Variants in PTPRD observed in about 807,000 individuals in gnomAD.
The protein encoded by PTPRD is protein tyrosine phosphatase receptor type D, also known as receptor-type tyrosine-protein phosphatase delta.
Under a neutral mutation model 214.5 loss-of-function variants are expected in PTPRD, and 34 were observed. The observed-to-expected ratio is 0.16, with a 90% CI of 0.12 to 0.21. The LOEUF (loss-of-function observed/expected upper bound fraction) is 0.21. Among genes scored for constraint, PTPRD ranks in the 10% least tolerant of loss-of-function variants. The pLI is 1.00. For missense variants in PTPRD, 2,545 were observed against 2,398.7 expected, an observed-to-expected ratio of 1.06 and a Z score of -1.27; for synonymous variants, 1,128 against 845.7, an observed-to-expected ratio of 1.33 and a Z score of -5.79.
At chr9:9,957,116 A>G (rs1266066817) in intron 4 of PTPRD, among the ~76,000 whole-genome samples, 1 of 152,174 alleles carries the variant, frequency 6.6e-6, no homozygotes, top group African/African-American at 2.4e-5. Flanking sequence ...AAGCATGCCC[A>G]CTGTATTCAT....
At chr9:10,238,292 C>G (rs957924491) in intron 3 of PTPRD, among the ~76,000 whole-genome samples, 38 of 151,840 alleles carry the variant, frequency 2.5e-4, no homozygotes, top group Admixed American at 7.9e-4. Flanking sequence ...AATCTAATAG[C>G]TACTGAGACA....
At chr9:8,989,411 C>T (rs926770106) in intron 11 of PTPRD, among the ~76,000 whole-genome samples, 4 of 152,010 alleles carry the variant, frequency 2.6e-5, no homozygotes. Flanking sequence ...TTCTCTATCT[C>T]TATGAAATCT....
In PTPRD at chr9:10,149,004, A is replaced by C. The variant is rs185387108; in HGVS notation, c.-544-115214T>G. ...TTTCAGAATAAATTAATGGCATTTC[A>C]GTGTGCTTCCTGCAGCTGGCTCAGA... On this transcript the variant is annotated intron_variant, in intron 3 of 45. Transcript: ENST00000381196. Among the ~76,000 whole-genome samples, 341 of 152,324 alleles carry C rather than the reference A, an allele frequency of 2.2e-3. 1 individual carries two copies. The highest frequency in any genetic ancestry group is 0.017 in the Middle Eastern group (5 of 294).
At chr9:8,734,605 T>C (rs924272367) in intron 11 of PTPRD, among the ~76,000 whole-genome samples, 6 of 152,258 alleles carry the variant, frequency 3.9e-5, no homozygotes, top group Admixed American at 6.5e-5. Context: ...AAGGGTTTAA[T>C]TTCCTCAGTC....
intron 9 of PTPRD, among the ~76,000 whole-genome samples, chr9:9,251,268 G>T (rs2099975373): frequency 1.3e-5 from 2 of 152,012 alleles, no homozygotes; most frequent in African/African-American, 4.8e-5. Flanking sequence ...TCTGAATGTG[G>T]CAGCATGTAA....
intron 35 of PTPRD, among the ~76,000 whole-genome samples, chr9:8,429,316 A>G (rs1357023650): frequency 1.3e-5 from 2 of 152,112 alleles, no homozygotes. Context: ...TAGGTGTGTG[A>G]CCTTGGGTAA....
chr9:9,678,385 A>G (rs528731932), intron 7 of PTPRD, among the ~76,000 whole-genome samples: 1 of 152,054 alleles, frequency 6.6e-6, no homozygotes, highest in Non-Finnish European at 1.5e-5. Flanking sequence ...AGACCAATGG[A>G]ACAGAACAAA....
chr9:9,005,140 T>A (rs2099454851), intron 11 of PTPRD, among the ~76,000 whole-genome samples: 1 of 152,014 alleles, frequency 6.6e-6, no homozygotes, highest in Non-Finnish European at 1.5e-5. Flanking sequence ...CTGGTAGAAA[T>A]GGAAGCAAGC....
intron 14 of PTPRD, among the ~76,000 whole-genome samples, chr9:8,563,387 C>A (rs2087291648): frequency 6.6e-6 from 1 of 151,286 alleles, no homozygotes; most frequent in African/African-American, 2.4e-5. Context: ...CATATATACA[C>A]ACATATGCAT....
chr9:8,494,883 C>T (rs1591974095), intron 26 of PTPRD, among the ~76,000 whole-genome samples: 1 of 152,028 alleles, frequency 6.6e-6, no homozygotes, highest in African/African-American at 2.4e-5. Context: ...TTTCAGTATG[C>T]TCTGTGAGGT....
intron 3 of PTPRD, among the ~76,000 whole-genome samples, chr9:10,310,012 G>A (rs2096223460): frequency 6.6e-6 from 1 of 151,972 alleles, no homozygotes; most frequent in African/African-American, 2.4e-5. Context: ...TGAGATAACT[G>A]GAGATCCCCT....
chr9:10,363,925 T>A (rs974360743), intron 2 of PTPRD, among the ~76,000 whole-genome samples: 10 of 151,690 alleles, frequency 6.6e-5, no homozygotes, highest in African/African-American at 2.2e-4. Flanking sequence ...TATAGGAATT[T>A]TTTTTGCTTC....
intron 2 of PTPRD, among the ~76,000 whole-genome samples, chr9:10,503,748 G>T (rs998823617): frequency 6.6e-6 from 1 of 151,924 alleles, no homozygotes; most frequent in Non-Finnish European, 1.5e-5. Flanking sequence ...ACAATTATAC[G>T]TGCTAGGAAG....
intron 3 of PTPRD, among the ~76,000 whole-genome samples, chr9:10,093,393 G>A (rs1270156191): frequency 1.3e-5 from 2 of 151,372 alleles, no homozygotes; most frequent in African/African-American, 4.8e-5. Context: ...CTCACAATGC[G>A]ACAGTTTCTT....
At chr9:8,904,966 G>A (rs2098697406) in intron 11 of PTPRD, among the ~76,000 whole-genome samples, 1 of 152,154 alleles carries the variant, frequency 6.6e-6, no homozygotes, top group Admixed American at 6.5e-5. Context: ...GGCCGAAGAT[G>A]TAAACTTGAA....
intron 10 of PTPRD, among the ~76,000 whole-genome samples, chr9:9,121,807 CAAT>C (rs1337548009): frequency 6.6e-6 from 1 of 151,960 alleles, no homozygotes; most frequent in African/African-American, 2.4e-5. Flanking sequence ...ACCTGTATCC[CAAT>C]AACTTATGGA....
At chr9:9,294,348 T>C (rs1357512927) in intron 9 of PTPRD, among the ~76,000 whole-genome samples, 1 of 151,696 alleles carries the variant, frequency 6.6e-6, no homozygotes, top group African/African-American at 2.4e-5. Context: ...TATGTAACCA[T>C]AAATATCTGT....
chr9:9,606,809 A>G (rs577669457), intron 7 of PTPRD, among the ~76,000 whole-genome samples: 2 of 151,888 alleles, frequency 1.3e-5, no homozygotes, highest in East Asian at 3.9e-4. Context: ...CACCTAAGAC[A>G]ATAAATGATC....
chr9:8,916,123 A>G (rs1451054391), intron 11 of PTPRD, among the ~76,000 whole-genome samples: 1 of 152,164 alleles, frequency 6.6e-6, no homozygotes, highest in South Asian at 2.1e-4. Context: ...ACTCAGTGAC[A>G]TCTAAGTGGA....
Sources: gnomAD v4.1 joint callset for allele counts (sites outside exome capture counted in the v4.1 genomes callset) on GRCh38, gnomAD v4.1.1 for gene constraint, MANE v1.5 for transcripts, NCBI Gene and HGNC (gene_info 2026-07-23, HGNC 2026-07-21) for gene names.